Variants in SIPA1L3 observed in about 807,000 individuals in gnomAD.
SIPA1L3 encodes the protein signal-induced proliferation-associated 1-like protein 3.
A neutral mutation model predicts 150.1 loss-of-function variants in SIPA1L3; 59 were observed. That is an observed-to-expected ratio of 0.39 (90% confidence interval 0.32 to 0.49). The LOEUF (loss-of-function observed/expected upper bound fraction) is 0.49, where lower values mean the gene tolerates loss of function less well. SIPA1L3 is among the 20% of genes least tolerant of loss of function. The pLI is 0.86. For synonymous variants in SIPA1L3, 1,070 were observed against 1,077.6 expected (o/e 0.99, Z 0.14); for missense variants, 2,211 against 2,489.5 (o/e 0.89, Z 2.38).
chr19:37,918,911 T>C (rs562701837), intron 1 of SIPA1L3, among the ~76,000 whole-genome samples: 8 of 149,692 alleles, frequency 5.3e-5, no homozygotes, highest in Admixed American at 6.7e-5. Context: ...AATAAATAAA[T>C]AAATAAACAA....
At chr19:38,187,161 AT>A (rs991717370) in intron 16 of SIPA1L3, among the ~76,000 whole-genome samples, 5 of 149,318 alleles carry the variant, frequency 3.3e-5, no homozygotes, top group Admixed American at 6.7e-5. Context: ...GCATAAAAAA[AT>A]TTTTTTCAGC....
At chr19:38,172,343 CCA>C (rs1266088038) in intron 15 of SIPA1L3, among the ~76,000 whole-genome samples, 5 of 152,272 alleles carry the variant, frequency 3.3e-5, no homozygotes, top group African/African-American at 1.2e-4. Context: ...ACTGATTCTT[CCA>C]GTCACTGACC....
chr19:38,102,592 G>GAAAAAA (rs71179412), intron 6 of SIPA1L3, among the ~76,000 whole-genome samples: 1 of 66,872 alleles, frequency 1.5e-5, no homozygotes, highest in Non-Finnish European at 3.3e-5. Flanking sequence ...CCCTGTCTCT[G>GAAAAAA]AAAAAAAAAA....
Position 38,106,604 on chromosome 19 carries a change from C to T in SIPA1L3, c.2097C>T (p.Ser699=), listed in dbSNP as rs768232824. The T allele has an allele frequency of 8.7e-6, 14 of 1,613,876 alleles. No homozygotes were observed. The Admixed American group carries it at 1.7e-4, about 19-fold the overall frequency. The change falls in exon 7 of 22, where the codon TCC becomes TCT. Residue 699 remains serine (S), a synonymous_variant. Transcript: ENST00000222345. ...ACTACGAGATCATGTTCCATGTCTC[C>T]ACCCTGCTCCCTTACACCCCCAACA... The part of the protein sequence containing the change: ...YQDYEIMFHV[S]TLLPYTPNNR...
In SIPA1L3 at chr19:37,922,432, C is replaced by T. The variant is rs146288697; in HGVS notation, c.-379+15074C>T. On this transcript the variant is annotated intron_variant, in intron 1 of 21. Transcript: ENST00000222345. ...ATTTTGAGACAGAGTCTTGCTCTGT[C>T]GCCCAGGCTAGAGTGCAGTGGTGCG... 8.1e-3 allele frequency among the ~76,000 whole-genome samples: 1,234 copies of T among 151,512 alleles called. 16 individuals carry two copies. Among genetic ancestry groups the T allele is most frequent in the Middle Eastern group, 0.038 (11 of 292 alleles).
chr19:38,168,127 C>T (rs1972249152), intron 15 of SIPA1L3, among the ~76,000 whole-genome samples: 1 of 152,148 alleles, frequency 6.6e-6, no homozygotes, highest in Non-Finnish European at 1.5e-5. Flanking sequence ...TGGCTCACGC[C>T]TATAAACCCA....
chr19:37,959,309 A>G (rs2046837227), intron 1 of SIPA1L3, among the ~76,000 whole-genome samples: 1 of 152,242 alleles, frequency 6.6e-6, no homozygotes, highest in South Asian at 2.1e-4. Context: ...ACAGAATGCG[A>G]TATAGACCCA....
chr19:37,971,459 T>TA (rs1966933633), intron 1 of SIPA1L3, among the ~76,000 whole-genome samples: 1 of 152,138 alleles, frequency 6.6e-6, no homozygotes, highest in Non-Finnish European at 1.5e-5. Context: ...ACCACTAATC[T>TA]TTCTGTCTCT....
chr19:37,938,858 G>T (rs2046626331), intron 1 of SIPA1L3, among the ~76,000 whole-genome samples: 1 of 152,010 alleles, frequency 6.6e-6, no homozygotes, highest in Admixed American at 6.6e-5. Context: ...CCTGAGCTCA[G>T]GTGATCCGCC....
At chr19:38,191,899 C>T (rs1416896858) in intron 16 of SIPA1L3, among the ~76,000 whole-genome samples, 7 of 152,294 alleles carry the variant, frequency 4.6e-5, no homozygotes, top group East Asian at 1.9e-4. Flanking sequence ...GCTGCCAGCT[C>T]GGTGCTCACG....
At chr19:37,971,314 G>C (rs532562448) in intron 1 of SIPA1L3, among the ~76,000 whole-genome samples, 5 of 152,094 alleles carry the variant, frequency 3.3e-5, no homozygotes, top group African/African-American at 1.2e-4. Context: ...ATGGTTTTCA[G>C]TGTATTTTCC....
intron 1 of SIPA1L3, chr19:37,932,777 T>A: frequency 6.6e-6 from 1 of 152,264 alleles, no homozygotes; most frequent in East Asian, 1.9e-4. Context: ...CAGTTAGCTT[T>A]TTTTGTTTTC....
At chr19:38,192,431 C>T in intron 17 of SIPA1L3, 121 bp downstream of exon 17, 2 of 911,342 alleles carry the variant, frequency 2.2e-6, no homozygotes, top group Non-Finnish European at 3.2e-6. Context: ...GTCGTGTCCC[C>T]AGCCTTTGGC....
In SIPA1L3 at chr19:38,192,156, C is replaced by T. The variant is rs147521492; in HGVS notation, c.4442C>T (p.Thr1481Met). The T allele has an allele frequency of 5.7e-5, 91 of 1,605,374 alleles. No homozygotes were observed. In the African/African-American group the frequency reaches 9.7e-4, roughly 17 times the overall value. Residue 1481 changes from threonine (T) to methionine (M), a missense_variant, in exon 17 of 22, where the codon ACG becomes ATG. Thr to Met is a moderately conservative substitution (Grantham distance 81, BLOSUM62 -1). Transcript: ENST00000222345. ...CGCTGTCATTCCAGGCAGGTGGACA[C>T]GAACACCAAAAATGTCTTTGGGCAA... Reference protein sequence around the residue: ...PFSDPKKQVDTNTKNVFGQPR... With the variant: ...PFSDPKKQVDMNTKNVFGQPR...
chr19:38,000,086 G>A (rs982229689), intron 1 of SIPA1L3, among the ~76,000 whole-genome samples: 1 of 152,126 alleles, frequency 6.6e-6, no homozygotes, highest in Non-Finnish European at 1.5e-5. Flanking sequence ...GTTTGAAACT[G>A]CCTCTTCTGT....
At chr19:38,106,119 T>C (rs1008695326) in intron 6 of SIPA1L3, among the ~76,000 whole-genome samples, 2 of 151,832 alleles carry the variant, frequency 1.3e-5, no homozygotes, top group African/African-American at 4.8e-5. Flanking sequence ...TTTTTTTTTT[T>C]TTTTTGAGAC....
intron 1 of SIPA1L3, among the ~76,000 whole-genome samples, chr19:37,988,027 A>G (rs1464258725): frequency 6.6e-6 from 1 of 152,184 alleles, no homozygotes; most frequent in East Asian, 1.9e-4. Context: ...CTCCTCCTAC[A>G]GTCCCCCTGC....
At chr19:37,941,050 G>T (rs577733382) in intron 1 of SIPA1L3, among the ~76,000 whole-genome samples, 1 of 149,386 alleles carries the variant, frequency 6.7e-6, no homozygotes, top group African/African-American at 2.5e-5. Flanking sequence ...TGCAGAGTAG[G>T]TGAATTTCAG....
intron 20 of SIPA1L3, among the ~76,000 whole-genome samples, chr19:38,203,128 C>G (rs914907702): frequency 6.6e-6 from 1 of 152,214 alleles, no homozygotes; most frequent in Non-Finnish European, 1.5e-5. Context: ...GCTTTTCACA[C>G]TCTGGCTTCA....
Sources: allele counts gnomAD v4.1 joint callset (sites outside exome capture counted in the v4.1 genomes callset), GRCh38; gene constraint gnomAD v4.1.1; transcripts MANE v1.5; gene names NCBI Gene and HGNC (gene_info 2026-07-23, HGNC 2026-07-21).